Variants in BICRAL observed in about 807,000 individuals in gnomAD.
The protein encoded by BICRAL is BICRA like chromatin remodeling complex associated protein.
A neutral mutation model predicts 91.8 loss-of-function variants in BICRAL; 8 were observed. The ratio of observed to expected loss-of-function variants is 0.09; its 90% CI spans 0.05 to 0.16. BICRAL has a LOEUF of 0.16. Among genes scored for constraint, BICRAL ranks in the 10% least tolerant of loss-of-function variants. The probability of loss-of-function intolerance (pLI) is 1.00; values close to 1 mark genes in which losing one functional copy is unlikely to be tolerated. For missense variants in BICRAL, 1,038 were observed against 1,310.9 expected (o/e 0.79, Z 3.21); for synonymous variants, 445 against 491.1 (o/e 0.91, Z 1.24).
chr6:42,779,452 T>C (rs1315191005), upstream of BICRAL, among the ~76,000 whole-genome samples: 1 of 152,160 alleles, frequency 6.6e-6, no homozygotes, highest in East Asian at 1.9e-4. Flanking sequence ...ATTAGAAAAC[T>C]GGTTGGTCCA....
Position 42,791,993 on chromosome 6 carries a change from C to A in BICRAL, c.-102+9892C>A, listed in dbSNP as rs567029220. 9.2e-5 allele frequency among the ~76,000 whole-genome samples: 14 copies of A among 152,206 alleles called. No homozygotes were observed. The East Asian group carries it at 2.7e-3, about 29-fold the overall frequency. ...ACCTGGATACTGTAGGTAACTGTAACTGTATTTGTGTATCAACATATCTAA... is the reference window on the plus strand; with the variant it reads ...ACCTGGATACTGTAGGTAACTGTAAATGTATTTGTGTATCAACATATCTAA... On this transcript the variant is annotated intron_variant, in intron 1 of 12. Transcript: ENST00000314073.
intron 1 of BICRAL, among the ~76,000 whole-genome samples, chr6:42,755,510 G>A (rs977465307): frequency 6.6e-5 from 10 of 152,066 alleles, no homozygotes; most frequent in African/African-American, 2.4e-4. Context: ...GAAAAGAGGT[G>A]GCCAGATAGG....
intron 1 of BICRAL, among the ~76,000 whole-genome samples, chr6:42,795,637 A>G (rs1359657621): frequency 6.6e-6 from 1 of 152,246 alleles, no homozygotes; most frequent in Non-Finnish European, 1.5e-5. Flanking sequence ...TGAAAGTCAC[A>G]GAATAAATAT....
intron 12 of BICRAL, among the ~76,000 whole-genome samples, chr6:42,863,409 C>G (rs1233844667): frequency 6.6e-6 from 1 of 152,144 alleles, no homozygotes; most frequent in Non-Finnish European, 1.5e-5. Context: ...TGCTCACTCA[C>G]AGACGCAGCT....
chr6:42,838,399 C>T (rs906465184), intron 6 of BICRAL, among the ~76,000 whole-genome samples: 1 of 152,104 alleles, frequency 6.6e-6, no homozygotes, highest in African/African-American at 2.4e-5. Context: ...GGGCAAGACA[C>T]ATGTTGGTTT....
At chr6:42,758,765 G>C (rs1414133281) in intron 1 of BICRAL, among the ~76,000 whole-genome samples, 1 of 152,000 alleles carries the variant, frequency 6.6e-6, no homozygotes, top group Non-Finnish European at 1.5e-5. Flanking sequence ...CAGGTGAAGG[G>C]TGAAAGCAGA....
chr6:42,747,171 G>A (rs1762290760), intron 1 of BICRAL: 1 of 152,234 alleles, frequency 6.6e-6, no homozygotes, highest in African/African-American at 2.4e-5. Context: ...ACCAACCCGA[G>A]GTGTGGGTGG....
chr6:42,819,055 G>A (rs892893520), intron 2 of BICRAL, among the ~76,000 whole-genome samples: 42 of 152,222 alleles, frequency 2.8e-4, no homozygotes, highest in Middle Eastern at 3.4e-3. Flanking sequence ...GTTGGGCCAA[G>A]AAATAGTTTC....
At chr6:42,856,128 GA>G (rs1249986924) in intron 9 of BICRAL, among the ~76,000 whole-genome samples, 1 of 151,890 alleles carries the variant, frequency 6.6e-6, no homozygotes, top group Non-Finnish European at 1.5e-5. Flanking sequence ...AGGAGTTTGA[GA>G]CCAGCCTGGG....
intron 1 of BICRAL, among the ~76,000 whole-genome samples, chr6:42,791,289 T>C (rs1025456353): frequency 6.6e-6 from 1 of 152,222 alleles, no homozygotes; most frequent in Non-Finnish European, 1.5e-5. Flanking sequence ...TGTTTACTTA[T>C]AAATTTATTT....
At chr6:42,748,537 T>G (rs1277963124) in intron 1 of BICRAL, among the ~76,000 whole-genome samples, 1 of 152,232 alleles carries the variant, frequency 6.6e-6, no homozygotes, top group Non-Finnish European at 1.5e-5. Context: ...TCCAGTAGAC[T>G]TGGGAAGTTT....
At chr6:42,789,929 T>G (rs975206384) in intron 1 of BICRAL, among the ~76,000 whole-genome samples, 3 of 152,298 alleles carry the variant, frequency 2.0e-5, no homozygotes, top group African/African-American at 7.2e-5. Context: ...AAACATTTGC[T>G]GACTCAGTAC....
chr6:42,781,596 GGTGTGTGT>G (rs61437847), upstream of BICRAL, among the ~76,000 whole-genome samples: 3 of 103,478 alleles, frequency 2.9e-5, no homozygotes, highest in Admixed American at 1.0e-4. Flanking sequence ...TGGGTGGGTG[GGTGTGTGT>G]GTGTGTGTGT....
At chr6:42,864,124 G>A (rs184960196) in intron 12 of BICRAL, among the ~76,000 whole-genome samples, 31 of 150,274 alleles carry the variant, frequency 2.1e-4, no homozygotes, top group Admixed American at 1.1e-3. Flanking sequence ...CCGAGATCAC[G>A]CCACTACACT....
At chr6:42,858,109 C>A (rs912418383) in intron 10 of BICRAL, among the ~76,000 whole-genome samples, 2 of 151,274 alleles carry the variant, frequency 1.3e-5, no homozygotes, top group Admixed American at 6.6e-5. Flanking sequence ...CCACTCCTGG[C>A]CAAACTGTTT....
intron 2 of BICRAL, among the ~76,000 whole-genome samples, chr6:42,814,471 A>G (rs1369429636): frequency 1.5e-5 from 2 of 136,772 alleles, no homozygotes; most frequent in African/African-American, 6.0e-5. Context: ...ATACATACAT[A>G]TACATGCATG....
intron 1 of BICRAL, among the ~76,000 whole-genome samples, chr6:42,792,807 G>A (rs1412323629): frequency 6.6e-6 from 1 of 151,894 alleles, no homozygotes; most frequent in Non-Finnish European, 1.5e-5. Context: ...CAGCTATTCT[G>A]GAGGCTGAGG....
At chr6:42,777,612 A>G (rs1272814926), upstream of BICRAL, among the ~76,000 whole-genome samples, 1 of 152,184 alleles carries the variant, frequency 6.6e-6, no homozygotes, top group Non-Finnish European at 1.5e-5. Flanking sequence ...TCACTACTCA[A>G]TCTCCAGCAT....
intron 1 of BICRAL, among the ~76,000 whole-genome samples, chr6:42,783,693 C>A (rs2113863603): frequency 6.6e-6 from 1 of 152,288 alleles, no homozygotes; most frequent in East Asian, 1.9e-4. Context: ...CGGCTCGGAG[C>A]GGGAAGGGCT....
Sources: allele counts gnomAD v4.1 joint callset (sites outside exome capture counted in the v4.1 genomes callset), GRCh38; gene constraint gnomAD v4.1.1; transcripts MANE v1.5; gene names NCBI Gene and HGNC (gene_info 2026-07-23, HGNC 2026-07-21).